Variants in PCDHA3 observed in about 807,000 individuals in gnomAD.
PCDHA3 encodes the protein protocadherin alpha 3.
Under a neutral mutation model 62.2 loss-of-function variants are expected in PCDHA3, and 41 were observed. The ratio of observed to expected loss-of-function variants is 0.66; its 90% confidence interval spans 0.51 to 0.86. The LOEUF (loss-of-function observed/expected upper bound fraction) is 0.86. Among genes scored for constraint, PCDHA3 ranks in the 40% least tolerant of loss-of-function variants. The pLI is 0.00. For synonymous variants in PCDHA3, 640 were observed against 555.4 expected, an observed-to-expected ratio of 1.15 and a Z score of -2.14; for missense variants, 1,304 against 1,241.2, an observed-to-expected ratio of 1.05 and a Z score of -0.76.
chr5:140,992,382 G>A (rs1275662967), intron 3 of PCDHA3, among the ~76,000 whole-genome samples: 3 of 152,140 alleles, frequency 2.0e-5, no homozygotes, highest in Non-Finnish European at 4.4e-5. Flanking sequence ...ACATTATTGT[G>A]TTCTGGACTT....
intron 1 of PCDHA3, chr5:140,823,010 T>C (rs1289602070): frequency 1.2e-5 from 20 of 1,614,120 alleles, no homozygotes; most frequent in Non-Finnish European, 1.6e-5. Flanking sequence ...GACAGCGCCC[T>C]GGACCGCGAG....
In PCDHA3 at chr5:140,920,855, A is replaced by C. The variant is rs537725798; in HGVS notation, c.2395-58094A>C. Among the ~76,000 whole-genome samples, 935 of 152,094 alleles carry C rather than the reference A, an allele frequency of 6.1e-3. 10 individuals are homozygous for C. Among genetic ancestry groups the C allele is most frequent in the Admixed American group, 0.012 (185 of 15,278 alleles). On this transcript the variant is annotated intron_variant, in intron 1 of 3. Coordinates refer to ENST00000522353, the MANE Select transcript of PCDHA3 (RefSeq NM_018906.3). ...AAGACCAAATCTAAAAAAAAAAAAAAAAACAAACAAACTGTGGCCCTTAGA... is the reference window on the plus strand; with the variant it reads ...AAGACCAAATCTAAAAAAAAAAAAACAAACAAACAAACTGTGGCCCTTAGA...
chr5:140,856,558 A>T lies in PCDHA3; in HGVS notation c.2394+52967A>T, dbSNP rs372031038. 2.5e-6 allele frequency: 4 copies of T among 1,598,086 alleles called. 1 individual carries two copies. The East Asian group carries it at 8.9e-5, about 36-fold the overall frequency. ...GAGAGAACGCATTGCTTACTTACAA[A>T]CTCAGTCCAAATGAGTATTTTGTTC... is the stretch of plus-strand genomic sequence containing the variant. On this transcript the variant is annotated intron_variant, in intron 1 of 3. Coordinates refer to ENST00000522353, the MANE Select transcript of PCDHA3 (RefSeq NM_018906.3).
chr5:140,983,518 C>T (rs1417635641), intron 3 of PCDHA3, among the ~76,000 whole-genome samples: 1 of 152,130 alleles, frequency 6.6e-6, no homozygotes, highest in African/African-American at 2.4e-5. Context: ...AGACACTGTG[C>T]CAAGTACATT....
intron 1 of PCDHA3, among the ~76,000 whole-genome samples, chr5:140,953,382 G>A (rs1554220887): frequency 6.6e-6 from 1 of 152,142 alleles, no homozygotes; most frequent in Admixed American, 6.6e-5. Context: ...ACCCCTCTCA[G>A]TTGTGGATTA....
chr5:140,809,464 C>T (rs1554125225), intron 1 of PCDHA3: 10 of 1,614,130 alleles, frequency 6.2e-6, no homozygotes, highest in Admixed American at 3.3e-5. Flanking sequence ...CGAGGGTGTG[C>T]TCTGGTGAGG....
intron 1 of PCDHA3, chr5:140,966,540 C>G (rs1477712677): frequency 4.3e-6 from 2 of 462,788 alleles, no homozygotes; most frequent in African/African-American, 2.0e-5. Flanking sequence ...TTGAGCGACT[C>G]GGAGGCGAGC....
At chr5:140,842,144 G>A (rs2150330322) in intron 1 of PCDHA3, 1 of 1,613,850 alleles carries the variant, frequency 6.2e-7, no homozygotes, top group African/African-American at 1.3e-5. Flanking sequence ...AGGAGCCAAT[G>A]GGGCAATTTC....
In PCDHA3 at chr5:140,807,239, C is replaced by T. The variant is rs782505608; in HGVS notation, c.2394+3648C>T. On this transcript the variant is annotated intron_variant, in intron 1 of 3. Transcript: ENST00000522353. ...GGAATCCCGGCGTCTGCTGCTCTTACTTCTTCTCCTCGCAGCCTGGGAGGC... is the reference window on the plus strand; with the variant it reads ...GGAATCCCGGCGTCTGCTGCTCTTATTTCTTCTCCTCGCAGCCTGGGAGGC... The T allele has an allele frequency of 8.1e-5, 131 of 1,613,964 alleles. No homozygotes were observed. The highest frequency in any genetic ancestry group is 1.8e-4 in the Admixed American group (11 of 60,002).
At chr5:140,872,977 GC>G (rs1326111410) in intron 1 of PCDHA3, among the ~76,000 whole-genome samples, 3 of 152,086 alleles carry the variant, frequency 2.0e-5, no homozygotes, top group African/African-American at 7.2e-5. Context: ...GAAGATTTGA[GC>G]AAAGATCATT....
intron 1 of PCDHA3, chr5:140,830,073 C>A (rs782807658): frequency 1.2e-6 from 2 of 1,613,470 alleles, no homozygotes; most frequent in African/African-American, 2.7e-5. Context: ...GCGCTGACAG[C>A]GACGGCCACG....
chr5:140,825,862 G>C (rs2150141609), intron 1 of PCDHA3: 43 of 152,470 alleles, frequency 2.8e-4, no homozygotes, highest in African/African-American at 8.4e-4. Context: ...CTCCCCTCTT[G>C]AGTTGTTTAC....
intron 3 of PCDHA3, among the ~76,000 whole-genome samples, chr5:140,986,569 T>C (rs1006962446): frequency 7.2e-5 from 11 of 152,296 alleles, no homozygotes; most frequent in East Asian, 3.9e-4. Context: ...TTATCTGTTA[T>C]TGGTTTTTCC....
At chr5:140,985,386 T>A (rs2097149117) in intron 3 of PCDHA3, among the ~76,000 whole-genome samples, 1 of 152,170 alleles carries the variant, frequency 6.6e-6, no homozygotes, top group African/African-American at 2.4e-5. Context: ...TATAATCCAG[T>A]CACCCCAACT....
At chr5:140,912,174 A>G (rs2075803513) in intron 1 of PCDHA3, among the ~76,000 whole-genome samples, 1 of 152,166 alleles carries the variant, frequency 6.6e-6, no homozygotes, top group Non-Finnish European at 1.5e-5. Flanking sequence ...CTGTGCTGGC[A>G]GCTGATTAGA....
intron 1 of PCDHA3, chr5:140,828,909 C>G (rs1213488123): frequency 1.2e-6 from 2 of 1,614,072 alleles, no homozygotes; most frequent in South Asian, 1.1e-5. Context: ...GATGAAGGAG[C>G]GAATGGGGCA....
At chr5:140,907,071 C>T (rs1220660624) in intron 1 of PCDHA3, among the ~76,000 whole-genome samples, 1 of 152,156 alleles carries the variant, frequency 6.6e-6, no homozygotes, top group African/African-American at 2.4e-5. Flanking sequence ...TAGTGGGTCA[C>T]TAGGGGTGAT....
intron 1 of PCDHA3, among the ~76,000 whole-genome samples, chr5:140,950,852 A>G (rs1172997648): frequency 6.6e-6 from 1 of 151,856 alleles, no homozygotes; most frequent in Non-Finnish European, 1.5e-5. Flanking sequence ...CATTTCTTTC[A>G]TATTCTTGTA....
intron 1 of PCDHA3, among the ~76,000 whole-genome samples, chr5:140,845,529 C>T (rs1215652853): frequency 6.7e-6 from 1 of 149,420 alleles, no homozygotes; most frequent in Non-Finnish European, 1.5e-5. Context: ...TAATACTTTT[C>T]ACTATTCTAA....
Sources: allele counts gnomAD v4.1 joint callset (sites outside exome capture counted in the v4.1 genomes callset), GRCh38; gene constraint gnomAD v4.1.1; transcripts MANE v1.5; gene names NCBI Gene and HGNC (gene_info 2026-07-23, HGNC 2026-07-21).